The following XKR4 variants were observed in gnomAD, a reference collection of about 807,000 sequenced individuals.
XKR4 encodes the protein XK related 4, also known as XK-related protein 4.
In XKR4, 12 loss-of-function variants were observed where a neutral mutation model predicts 53.9. The ratio of observed to expected loss-of-function variants is 0.22; its 90% confidence interval spans 0.14 to 0.36. The LOEUF (loss-of-function observed/expected upper bound fraction) is 0.36. XKR4 is among the 10% of genes least tolerant of loss of function. The pLI is 1.00. For synonymous variants in XKR4, 354 were observed against 362.4 expected, an observed-to-expected ratio of 0.98 and a Z score of 0.26; for missense variants, 799 against 859.5, an observed-to-expected ratio of 0.93 and a Z score of 0.88.
chr8:55,482,588 C>G (rs1170185754), intron 2 of XKR4, among the ~76,000 whole-genome samples: 5 of 152,068 alleles, frequency 3.3e-5, no homozygotes, highest in African/African-American at 1.2e-4. Flanking sequence ...AACACAACTG[C>G]AAACCTGAAT....
At chr8:55,451,163 C>G in intron 2 of XKR4, 2 of 535,608 alleles carry the variant, frequency 3.7e-6, no homozygotes, top group Non-Finnish European at 6.6e-6. Flanking sequence ...GGTCGGGGGC[C>G]GGGGGACACC....
intron 2 of XKR4, chr8:55,450,093 C>T: frequency 1.4e-6 from 1 of 716,766 alleles, no homozygotes; most frequent in South Asian, 1.4e-5. Flanking sequence ...TCACGCGGTC[C>T]CAGGTGTCCT....
intron 1 of XKR4, among the ~76,000 whole-genome samples, chr8:55,346,674 C>A (rs549491939): frequency 6.6e-5 from 8 of 120,712 alleles, no homozygotes; most frequent in African/African-American, 2.6e-4. Flanking sequence ...AAACAGAAAC[C>A]TGTTGAGGTT....
At chr8:55,301,652 C>A (rs1434043702) in intron 1 of XKR4, among the ~76,000 whole-genome samples, 2 of 152,178 alleles carry the variant, frequency 1.3e-5, no homozygotes, top group African/African-American at 4.8e-5. Flanking sequence ...TCCTCTCCAG[C>A]ACCTGTTGTT....
intron 1 of XKR4, among the ~76,000 whole-genome samples, chr8:55,241,370 T>C (rs1394801174): frequency 6.6e-6 from 1 of 152,194 alleles, no homozygotes; most frequent in Non-Finnish European, 1.5e-5. Flanking sequence ...TTCTTTAAGT[T>C]GCAGGAGCAT....
At chr8:55,386,027 G>T (rs1011759667) in intron 2 of XKR4, among the ~76,000 whole-genome samples, 2 of 152,194 alleles carry the variant, frequency 1.3e-5, no homozygotes, top group African/African-American at 4.8e-5. Flanking sequence ...AAATGAGTCT[G>T]AAGGCAGAAG....
intron 2 of XKR4, among the ~76,000 whole-genome samples, chr8:55,441,813 A>G (rs1191141704): frequency 4.6e-5 from 7 of 152,220 alleles, no homozygotes; most frequent in Non-Finnish European, 8.8e-5. Flanking sequence ...ATGAAATGCA[A>G]TAAAAGCATG....
chr8:55,369,389 GGGGAGGGGAGGGGAGGGAAA>G (rs1804038280), intron 2 of XKR4, among the ~76,000 whole-genome samples: 1 of 92,638 alleles, frequency 1.1e-5, no homozygotes, highest in African/African-American at 5.0e-5. Flanking sequence ...GGGGAGGGGA[GGGGAGGGGAGGGGAGGGAAA>G]GGAAGGGAAG....
intron 1 of XKR4, among the ~76,000 whole-genome samples, chr8:55,131,477 G>A (rs1320117510): frequency 6.6e-6 from 1 of 152,104 alleles, no homozygotes; most frequent in Non-Finnish European, 1.5e-5. Context: ...TGTGTAGTGG[G>A]AAATCATTCC....
intron 1 of XKR4, among the ~76,000 whole-genome samples, chr8:55,128,306 A>G (rs1326265398): frequency 9.2e-5 from 14 of 152,132 alleles, no homozygotes; most frequent in South Asian, 4.2e-4. Flanking sequence ...GTGTGAGATG[A>G]TATCTCATTG....
intron 1 of XKR4, among the ~76,000 whole-genome samples, chr8:55,190,604 CTT>C (rs1221846528): frequency 1.3e-5 from 2 of 152,140 alleles, no homozygotes; most frequent in Admixed American, 6.5e-5. Flanking sequence ...GATCACTTAA[CTT>C]TAGGAGACAC....
chr8:55,338,823 A>T (rs553725207), intron 1 of XKR4, among the ~76,000 whole-genome samples: 6 of 152,348 alleles, frequency 3.9e-5, no homozygotes, highest in African/African-American at 9.6e-5. Flanking sequence ...TAGACAATTT[A>T]AAAATGCTCA....
rs1296865660 is a variant in XKR4, at chr8:55,443,412, A to G, written c.1007-79869A>G. Among the ~76,000 whole-genome samples the G allele has an allele frequency of 2.6e-5, 4 of 151,272 alleles. No individual in the cohort carries two copies. The East Asian group carries it at 7.7e-4, about 29-fold the overall frequency. On this transcript the variant is annotated intron_variant, in intron 2 of 2. Transcript: ENST00000327381. ...ATGAGTGATTTTTTTTTTTAATTCCACAGCAAAGGTCCTGTTCAATGATTG... is the reference window on the plus strand; with the variant it reads ...ATGAGTGATTTTTTTTTTTAATTCCGCAGCAAAGGTCCTGTTCAATGATTG...
rs539547530 is a variant in XKR4, at chr8:55,454,974, C to T, written c.1007-68307C>T. The T allele has an allele frequency of 6.5e-5, 56 of 857,130 alleles. No homozygotes were observed. The East Asian group carries it at 1.1e-3, about 16-fold the overall frequency. 53.1% of individuals were successfully genotyped at this position (857,130 alleles called of 1,614,324 possible). A position where few individuals can be genotyped will look rare whatever the true frequency, so the allele number is the denominator to read the frequency against. On this transcript the variant is annotated intron_variant, in intron 2 of 2. Transcript: ENST00000327381. ...ACAAAGAAGGTCGGTGGATTCCTCTCGGGACACATCTGCCACCCGCTGGAC... is the reference window on the plus strand; with the variant it reads ...ACAAAGAAGGTCGGTGGATTCCTCTTGGGACACATCTGCCACCCGCTGGAC...
intron 2 of XKR4, among the ~76,000 whole-genome samples, chr8:55,464,014 C>T (rs1585588785): frequency 6.6e-6 from 1 of 152,028 alleles, no homozygotes; most frequent in Non-Finnish European, 1.5e-5. Flanking sequence ...AGTCCAGGAC[C>T]AGATGGATTC....
Position 55,454,103 on chromosome 8 carries a change from G to A in XKR4, c.1007-69178G>A, listed in dbSNP as rs761227614. 5.8e-4 allele frequency: 476 copies of A among 826,416 alleles called. 1 individual carries two copies. The highest frequency in any genetic ancestry group is 9.0e-4 in the Non-Finnish European group (426 of 475,442). 51.2% of individuals were successfully genotyped at this position (826,416 alleles called of 1,614,324 possible). A position where few individuals can be genotyped will look rare whatever the true frequency, so the allele number is the denominator to read the frequency against. ...CTGCATATTCAAGGAGGAGGGGGACGTCATGGGTGGAGGGAAGGCGAGGTC... is the reference window on the plus strand; with the variant it reads ...CTGCATATTCAAGGAGGAGGGGGACATCATGGGTGGAGGGAAGGCGAGGTC... On this transcript the variant is annotated intron_variant, in intron 2 of 2. Transcript: ENST00000327381.
Position 55,196,340 on chromosome 8 carries a change from C to A in XKR4, c.806+93046C>A, listed in dbSNP as rs13263094. ...GGGATTACAGGCATTCACCACCATG[C>A]GCAGCTAATTTTTTGTATTTTTAGT... On this transcript the variant is annotated intron_variant, in intron 1 of 2. Coordinates refer to ENST00000327381, the MANE Select transcript of XKR4 (RefSeq NM_052898.2). Among the ~76,000 whole-genome samples the A allele has an allele frequency of 5.9e-5, 9 of 152,030 alleles. No individual in the cohort carries two copies. In the East Asian group the frequency reaches 9.7e-4, roughly 16 times the overall value.
At chr8:55,460,634 C>T (rs374336084) in intron 2 of XKR4, among the ~76,000 whole-genome samples, 2 of 152,092 alleles carry the variant, frequency 1.3e-5, no homozygotes, top group Admixed American at 6.5e-5. Context: ...ACAGTGGGTG[C>T]AGGACAGTGG....
intron 2 of XKR4, among the ~76,000 whole-genome samples, chr8:55,468,243 T>G (rs1244489159): frequency 1.3e-5 from 2 of 152,094 alleles, no homozygotes; most frequent in African/African-American, 2.4e-5. Context: ...CTAAATGACT[T>G]GGTCGTGGGA....
Sources: gnomAD v4.1 joint callset for allele counts (sites outside exome capture counted in the v4.1 genomes callset) on GRCh38, gnomAD v4.1.1 for gene constraint, MANE v1.5 for transcripts, NCBI Gene and HGNC (gene_info 2026-07-23, HGNC 2026-07-21) for gene names.